GALNT18: variants seen among roughly 807,000 people sequenced by gnomAD.
GALNT18 encodes the protein GalNAc-transferase 18.
A neutral mutation model predicts 69.5 loss-of-function variants in GALNT18; 44 were observed. That is an observed-to-expected ratio of 0.63 (90% CI 0.50 to 0.81). The LOEUF (loss-of-function observed/expected upper bound fraction) is 0.81, where lower values mean the gene tolerates loss of function less well. Among genes scored for constraint, GALNT18 ranks in the 40% least tolerant of loss-of-function variants. The pLI is 0.00. For synonymous variants in GALNT18, 364 were observed against 318.2 expected, an observed-to-expected ratio of 1.14 and a Z score of -1.53; for missense variants, 715 against 810.0, an observed-to-expected ratio of 0.88 and a Z score of 1.42.
intron 9 of GALNT18, among the ~76,000 whole-genome samples, chr11:11,303,307 C>T (rs1301494939): frequency 6.6e-6 from 1 of 152,194 alleles, no homozygotes; most frequent in Non-Finnish European, 1.5e-5. Flanking sequence ...AAATCCCCAG[C>T]AGCACTGGCA....
chr11:11,271,976 G>C (rs552413351), intron 10 of GALNT18, among the ~76,000 whole-genome samples: 1 of 152,180 alleles, frequency 6.6e-6, no homozygotes, highest in Admixed American at 6.5e-5. Context: ...TGGACCCTTT[G>C]GGTTGCTGGC....
intron 1 of GALNT18, among the ~76,000 whole-genome samples, chr11:11,551,548 G>A (rs1858191466): frequency 6.6e-6 from 1 of 152,192 alleles, no homozygotes; most frequent in Admixed American, 6.5e-5. Context: ...TTTCAGACTG[G>A]GGGGCTGTGA....
At chr11:11,547,906 T>C (rs1256187867) in intron 1 of GALNT18, among the ~76,000 whole-genome samples, 1 of 152,150 alleles carries the variant, frequency 6.6e-6, no homozygotes, top group African/African-American at 2.4e-5. Flanking sequence ...GAACGTACCA[T>C]GCTCCTTCAA....
rs1050298571 is a variant in GALNT18, at chr11:11,377,453, G to A, written c.780-74C>T. 20 of 1,350,684 alleles carry A rather than the reference G, an allele frequency of 1.5e-5. No homozygotes were observed. In the Middle Eastern group the frequency reaches 7.6e-4, roughly 51 times the overall value. 83.7% of individuals were successfully genotyped at this position (1,350,684 alleles called of 1,614,324 possible). ...AAAATCCAGAGTAGCATCTCCTGAA[G>A]GTCCTTCCCCAGCAGAAAGAGGAAG... On this transcript the variant is annotated intron_variant, in intron 4 of 10. Transcript: ENST00000227756. This position sits in a 1 kb window ranked among gnomAD's most constrained non-coding sequence, Gnocchi z 4.6.
chr11:11,514,749 A>T (rs1469052034), intron 1 of GALNT18, among the ~76,000 whole-genome samples: 49 of 152,174 alleles, frequency 3.2e-4, no homozygotes, highest in Non-Finnish European at 2.9e-5. Flanking sequence ...GGCTGATGGC[A>T]CCAAGACAGA....
At chr11:11,522,667 T>A (rs896609063) in intron 1 of GALNT18, among the ~76,000 whole-genome samples, 1 of 152,112 alleles carries the variant, frequency 6.6e-6, no homozygotes, top group East Asian at 1.9e-4. Flanking sequence ...TGACTGGATT[T>A]TTTTCTGGAT....
intron 3 of GALNT18, among the ~76,000 whole-genome samples, chr11:11,429,635 G>A (rs1013030298): frequency 6.6e-6 from 1 of 152,118 alleles, no homozygotes; most frequent in African/African-American, 2.4e-5. Context: ...ATTTTCCAGA[G>A]AGAGAGAGAA....
chr11:11,419,596 C>CAAAAA (rs58012512), intron 3 of GALNT18, among the ~76,000 whole-genome samples: 66 of 26,614 alleles, frequency 2.5e-3, no homozygotes, highest in African/African-American at 6.1e-3. Flanking sequence ...GATCCTGTCT[C>CAAAAA]AAAAAAAAAA....
rs957103742 is a variant in GALNT18 at position 11,320,383 on chromosome 11, A to T, written c.1512+6703T>A. The stretch of plus-strand genomic sequence containing the variant: ...ATGTGACAGTTCCATCCGTGCATAC[A>T]CGACCTTCCCAAAGCTCTCCTTGTC... On this transcript the variant is annotated intron_variant, in intron 9 of 10. Coordinates refer to ENST00000227756, the MANE Select transcript of GALNT18 (RefSeq NM_198516.3). The surrounding 1 kb of genome is among the most constrained non-coding windows in gnomAD (Gnocchi z 4.9). 1.3e-5 allele frequency among the ~76,000 whole-genome samples: 2 copies of T among 152,184 alleles called. No individual in the cohort carries two copies. Among genetic ancestry groups the T allele is most frequent in the African/African-American group, 4.8e-5 (2 of 41,432 alleles).
rs1253049522 is a variant in GALNT18, at chr11:11,564,802, AAT to A, written c.235+56555_235+56556del. Among the ~76,000 whole-genome samples, 8 of 152,202 alleles carry A rather than the reference AAT, an allele frequency of 5.3e-5. No homozygotes were observed. Among genetic ancestry groups the A allele is most frequent in the African/African-American group, 1.9e-4 (8 of 41,452 alleles). Reference sequence around the variant, plus strand: ...TAGCCACACATGGCTATTTAAATTAAATATGTTAATTACAATTAAATAAGTCA... The same window carrying A: ...TAGCCACACATGGCTATTTAAATTAAATGTTAATTACAATTAAATAAGTCA... On this transcript the variant is annotated intron_variant, in intron 1 of 10. Coordinates refer to ENST00000227756, the MANE Select transcript of GALNT18 (RefSeq NM_198516.3). The surrounding 1 kb of genome is among the most constrained non-coding windows in gnomAD (Gnocchi z 4.3).
At chr11:11,462,653 C>A (rs1204262848) in intron 1 of GALNT18, among the ~76,000 whole-genome samples, 2 of 152,076 alleles carry the variant, frequency 1.3e-5, no homozygotes, top group East Asian at 3.9e-4. Context: ...TCTAAGATCC[C>A]TTCATGCCCT....
At chr11:11,453,239 A>T (rs1247810262) in intron 1 of GALNT18, among the ~76,000 whole-genome samples, 2 of 152,250 alleles carry the variant, frequency 1.3e-5, no homozygotes, top group South Asian at 2.1e-4. Flanking sequence ...CAGGGGAAAC[A>T]TTACCATGCC....
rs1000159464 is a variant in GALNT18, at chr11:11,340,679, A to G, written c.1278+140T>C. 1.4e-5 allele frequency: 10 copies of G among 703,776 alleles called. No individual in the cohort carries two copies. The African/African-American group carries it at 1.8e-4, about 13-fold the overall frequency. The allele number at this position is 703,776 out of a possible 1,614,324, so 43.6% of individuals were successfully genotyped here. On this transcript the variant is annotated intron_variant, in intron 7 of 10. Coordinates refer to ENST00000227756, the MANE Select transcript of GALNT18 (RefSeq NM_198516.3). The surrounding 1 kb of genome is among the most constrained non-coding windows in gnomAD (Gnocchi z 4.2). ...TGGCCCCTTTTCTTCAGCAAATAATATGTTTTGGGGTTGAGAGTCCATTCT... is the reference window on the plus strand; with the variant it reads ...TGGCCCCTTTTCTTCAGCAAATAATGTGTTTTGGGGTTGAGAGTCCATTCT...
In GALNT18 at chr11:11,594,832, TATATATATACAC is replaced by T. The variant is rs1471892563; in HGVS notation, c.235+26515_235+26526del. On this transcript the variant is annotated intron_variant, in intron 1 of 10. Coordinates refer to ENST00000227756, the MANE Select transcript of GALNT18 (RefSeq NM_198516.3). ...TATCTTGGGCATATATATATATATA[TATATATATACAC>T]ATATACATACATACACACACATAAA... Among the ~76,000 whole-genome samples the T allele has an allele frequency of 8.8e-3, 270 of 30,532 alleles. 1 individual carries two copies. The highest frequency in any genetic ancestry group is 0.016 in the East Asian group (1 of 64). The allele number at this position is 30,532 out of a possible 152,430, so 20.0% of individuals were successfully genotyped here. A position where few individuals can be genotyped will look rare whatever the true frequency, so the allele number is the denominator to read the frequency against.
At chr11:11,539,537 A>T (rs966424787) in intron 1 of GALNT18, among the ~76,000 whole-genome samples, 5 of 152,166 alleles carry the variant, frequency 3.3e-5, no homozygotes, top group Non-Finnish European at 4.4e-5. Context: ...CCAGGAGGAG[A>T]TTCACCCCTG....
intron 10 of GALNT18, among the ~76,000 whole-genome samples, chr11:11,291,673 C>T (rs1384051660): frequency 6.6e-6 from 1 of 152,154 alleles, no homozygotes; most frequent in Non-Finnish European, 1.5e-5. Context: ...CTCCACCTGC[C>T]CTCGGAAATG....
intron 1 of GALNT18, among the ~76,000 whole-genome samples, chr11:11,552,320 G>C (rs1329716733): frequency 3.3e-5 from 5 of 152,132 alleles, no homozygotes; most frequent in African/African-American, 9.7e-5. Flanking sequence ...TCCTCCAGCT[G>C]TCCCCCTACC....
At chr11:11,312,660 G>A (rs1849690653) in intron 9 of GALNT18, among the ~76,000 whole-genome samples, 2 of 152,176 alleles carry the variant, frequency 1.3e-5, no homozygotes, top group Non-Finnish European at 2.9e-5. Context: ...CCTCTGTAAG[G>A]TAGATGGCCT....
At position 11,618,519 on chromosome 11, in the gene GALNT18, C is replaced by T. The variant is rs908830394; in HGVS notation, c.235+2840G>A. ...CTGACTCCCTCACCCCTCAGCCATC[C>T]TCTGACACCCACTTCCACCACTGTC... is the stretch of plus-strand genomic sequence containing the variant. On this transcript the variant is annotated intron_variant, in intron 1 of 10. Coordinates refer to ENST00000227756, the MANE Select transcript of GALNT18 (RefSeq NM_198516.3). The surrounding 1 kb of genome is among the most constrained non-coding windows in gnomAD (Gnocchi z 6.1). Among the ~76,000 whole-genome samples the T allele has an allele frequency of 6.6e-6, 1 of 152,184 alleles. No individual in the cohort carries two copies.
Sources: gnomAD v4.1 joint callset for allele counts (sites outside exome capture counted in the v4.1 genomes callset) on GRCh38, gnomAD v4.1.1 for gene constraint, Gnocchi (gnomAD v3.1) non-coding constraint, MANE v1.5 for transcripts, NCBI Gene and HGNC (gene_info 2026-07-23, HGNC 2026-07-21) for gene names.